FAM81A: variants seen among roughly 807,000 people sequenced by gnomAD.
FAM81A encodes the protein protein FAM81A.
In FAM81A, 19 loss-of-function variants were observed where a neutral mutation model predicts 46.7. The observed-to-expected ratio is 0.41, with a 90% CI of 0.28 to 0.60. The LOEUF (loss-of-function observed/expected upper bound fraction) is 0.60. Ranked by LOEUF, FAM81A falls within the 20% of genes least tolerant of loss-of-function variation. FAM81A has a pLI of 0.34. For synonymous variants in FAM81A, 183 were observed against 152.9 expected (o/e 1.20, Z -1.45); for missense variants, 377 against 453.5 (o/e 0.83, Z 1.53).
At chr15:59,404,540 A>C (rs141646392) in intron 2 of FAM81A, among the ~76,000 whole-genome samples, 2,230 of 152,250 alleles carry the variant, frequency 0.015, 16 homozygotes, top group Middle Eastern at 0.027. Context: ...AGCTCACTGT[A>C]GCCTCCAACT....
At chr15:59,428,462 A>G (rs1338488984) in intron 2 of FAM81A, among the ~76,000 whole-genome samples, 1 of 145,668 alleles carries the variant, frequency 6.9e-6, no homozygotes, top group African/African-American at 2.6e-5. Flanking sequence ...TTATTTTGAG[A>G]CAGAGTCTTA....
At chr15:59,401,618 C>T in intron 1 of FAM81A, 1 of 915,258 alleles carries the variant, frequency 1.1e-6, no homozygotes, top group Admixed American at 1.8e-5. Flanking sequence ...TTCTGTTTCT[C>T]CCTGGGCACA....
chr15:59,493,107 C>G (rs911002794), intron 4 of FAM81A, among the ~76,000 whole-genome samples: 1 of 152,162 alleles, frequency 6.6e-6, no homozygotes, highest in African/African-American at 2.4e-5. Flanking sequence ...ATATCAGCAC[C>G]GGAGCTGAGG....
intron 6 of FAM81A, among the ~76,000 whole-genome samples, chr15:59,511,704 G>T (rs181143104): frequency 2.6e-5 from 4 of 152,118 alleles, no homozygotes; most frequent in African/African-American, 4.8e-5. Flanking sequence ...AGGCTGGAGC[G>T]CAGTGTGCTT....
At position 59,514,273 on chromosome 15, in the gene FAM81A, A is replaced by G; in HGVS notation, c.651-16A>G. 1 of 1,552,338 alleles carries G rather than the reference A, an allele frequency of 6.4e-7. No individual in the cohort carries two copies. Among genetic ancestry groups the G allele is most frequent in the East Asian group, 2.3e-5 (1 of 44,386 alleles). Reference sequence around the variant, plus strand: ...ATAAACTGTTTTACATCTAACTTGCAATTTTTTTTTTTTAGATTTAAAGGT... The same window carrying G: ...ATAAACTGTTTTACATCTAACTTGCGATTTTTTTTTTTTAGATTTAAAGGT... On this transcript the variant is annotated splice_polypyrimidine_tract_variant and intron_variant, in intron 6 of 8. Transcript: ENST00000288228.
chr15:59,462,764 A>G (rs1486024577), intron 3 of FAM81A, among the ~76,000 whole-genome samples: 1 of 152,214 alleles, frequency 6.6e-6, no homozygotes, highest in Admixed American at 6.5e-5. Context: ...ATCAGACAAT[A>G]ATTTGTACTT....
intron 4 of FAM81A, among the ~76,000 whole-genome samples, chr15:59,506,904 A>G (rs1211169900): frequency 6.6e-6 from 1 of 152,236 alleles, no homozygotes; most frequent in East Asian, 1.9e-4. Context: ...GTGACAGACC[A>G]CATCCAGCAC....
intron 5 of FAM81A, among the ~76,000 whole-genome samples, chr15:59,507,856 T>A (rs1244863185): frequency 6.6e-6 from 1 of 152,228 alleles, no homozygotes; most frequent in Non-Finnish European, 1.5e-5. Flanking sequence ...AGCAAAACTT[T>A]TGGCATTTCA....
intron 3 of FAM81A, among the ~76,000 whole-genome samples, chr15:59,483,918 G>A (rs1039358707): frequency 6.6e-6 from 1 of 152,192 alleles, no homozygotes; most frequent in Non-Finnish European, 1.5e-5. Flanking sequence ...GTAGGGGCGG[G>A]CTCGTTCCCC....
chr15:59,474,508 A>G (rs2081741033), intron 3 of FAM81A, among the ~76,000 whole-genome samples: 1 of 152,144 alleles, frequency 6.6e-6, no homozygotes, highest in Non-Finnish European at 1.5e-5. Flanking sequence ...CCCTTTTTAT[A>G]AGGGCCCCAG....
At chr15:59,488,228 T>C (rs2081942494) in intron 3 of FAM81A, among the ~76,000 whole-genome samples, 1 of 152,142 alleles carries the variant, frequency 6.6e-6, no homozygotes, top group South Asian at 2.1e-4. Flanking sequence ...CATCCCTTCA[T>C]GAGAAAAACC....
chr15:59,412,953 G>GT (rs566373373), intron 2 of FAM81A, among the ~76,000 whole-genome samples: 44 of 152,244 alleles, frequency 2.9e-4, no homozygotes, highest in African/African-American at 9.6e-4. Flanking sequence ...AAATTAAAAC[G>GT]TAAGAAAAAC....
intron 4 of FAM81A, among the ~76,000 whole-genome samples, chr15:59,492,803 C>A (rs1447183658): frequency 5.9e-5 from 9 of 152,258 alleles, no homozygotes; most frequent in African/African-American, 1.9e-4. Flanking sequence ...GAAAAAAGAT[C>A]TTTCTTCTCA....
intron 3 of FAM81A, among the ~76,000 whole-genome samples, chr15:59,467,203 T>C (rs569302156): frequency 2.8e-4 from 42 of 152,324 alleles, no homozygotes; most frequent in African/African-American, 9.9e-4. Flanking sequence ...CTTTTTTGGT[T>C]CCATATGAAC....
intron 2 of FAM81A, among the ~76,000 whole-genome samples, chr15:59,422,548 C>T (rs1376001384): frequency 6.6e-6 from 1 of 152,116 alleles, no homozygotes; most frequent in Non-Finnish European, 1.5e-5. Context: ...GTGATCTCAG[C>T]TCACTGCAAC....
At chr15:59,411,062 T>C (rs2081118433) in intron 2 of FAM81A, among the ~76,000 whole-genome samples, 1 of 152,224 alleles carries the variant, frequency 6.6e-6, no homozygotes, top group Non-Finnish European at 1.5e-5. Flanking sequence ...GATGTTTCTT[T>C]AGTATAGATT....
intron 4 of FAM81A, among the ~76,000 whole-genome samples, chr15:59,506,109 C>G (rs1286804987): frequency 3.9e-5 from 6 of 152,130 alleles, no homozygotes; most frequent in African/African-American, 1.4e-4. Context: ...CCTCAGTCCA[C>G]CTGGTCATCA....
chr15:59,433,396 T>G (rs2081229615), upstream of FAM81A, among the ~76,000 whole-genome samples: 1 of 152,068 alleles, frequency 6.6e-6, no homozygotes, highest in Non-Finnish European at 1.5e-5. Context: ...ACAACTGCAA[T>G]TATCTAAGTT....
At chr15:59,487,252 T>C (rs1283151581) in intron 3 of FAM81A, among the ~76,000 whole-genome samples, 1 of 144,042 alleles carries the variant, frequency 6.9e-6, no homozygotes, top group African/African-American at 2.6e-5. Context: ...TATATTAGTA[T>C]AGAGTTTTTT....
Sources: gnomAD v4.1 joint callset for allele counts (sites outside exome capture counted in the v4.1 genomes callset) on GRCh38, gnomAD v4.1.1 for gene constraint, MANE v1.5 for transcripts, NCBI Gene and HGNC (gene_info 2026-07-23, HGNC 2026-07-21) for gene names.